CLMN: variants seen among roughly 807,000 people sequenced by gnomAD.
The protein encoded by CLMN is calmin (calponin-like, transmembrane).
Under a neutral mutation model 92.7 loss-of-function variants are expected in CLMN, and 57 were observed. The ratio of observed to expected loss-of-function variants is 0.61; its 90% CI spans 0.50 to 0.77. CLMN has a LOEUF of 0.77. Ranked by LOEUF, CLMN falls within the 30% of genes least tolerant of loss-of-function variation. The pLI is 0.00. For synonymous variants in CLMN, 466 were observed against 470.6 expected, an observed-to-expected ratio of 0.99 and a Z score of 0.13; for missense variants, 1,158 against 1,237.5, an observed-to-expected ratio of 0.94 and a Z score of 0.96.
chr14:95,249,383 G>A (rs911114245), intron 1 of CLMN, among the ~76,000 whole-genome samples: 2 of 152,132 alleles, frequency 1.3e-5, no homozygotes, highest in African/African-American at 2.4e-5. Context: ...GCCCGATCCT[G>A]GACTTTGCAC....
intron 1 of CLMN, among the ~76,000 whole-genome samples, chr14:95,238,620 C>G (rs1463956932): frequency 6.6e-6 from 1 of 152,194 alleles, no homozygotes; most frequent in Non-Finnish European, 1.5e-5. Context: ...GGCCCTCCCC[C>G]ACCCAAATTC....
chr14:95,293,010 T>C (rs1900637161), intron 1 of CLMN, among the ~76,000 whole-genome samples: 1 of 152,170 alleles, frequency 6.6e-6, no homozygotes, highest in Non-Finnish European at 1.5e-5. Flanking sequence ...TCCATGGCCA[T>C]GAGAACCACT....
rs1247963103 is a variant in CLMN, at chr14:95,203,522, A to C, written c.1827T>G (p.Ser609Arg). Residue 609 changes from serine to arginine, a missense_variant, in exon 9 of 13, where the codon AGT (serine) becomes AGG (arginine). Ser to Arg is a moderately radical substitution (Grantham distance 110, BLOSUM62 -1). Coordinates refer to ENST00000298912, the MANE Select transcript of CLMN (RefSeq NM_024734.4). ...CCTTCTTTTTGTGAGCAGATTTAAT[A>C]CTCCTTTTACCTAGTTTTTCAGCAT... is the stretch of plus-strand genomic sequence containing the variant. The part of the protein sequence containing the change: ...ENHAEKLGKR[S>R]IKSAHKKKDS... The C allele has an allele frequency of 6.2e-7, 1 of 1,613,314 alleles. No individual in the cohort carries two copies. Among genetic ancestry groups the C allele is most frequent in the Non-Finnish European group, 8.5e-7 (1 of 1,179,856 alleles).
At chr14:95,310,581 G>A (rs1011762797) in intron 1 of CLMN, among the ~76,000 whole-genome samples, 2 of 152,204 alleles carry the variant, frequency 1.3e-5, no homozygotes, top group Non-Finnish European at 1.5e-5. Context: ...AGCCTACAAC[G>A]CTTCTAAAGA....
intron 1 of CLMN, among the ~76,000 whole-genome samples, chr14:95,239,804 C>T (rs999383700): frequency 3.3e-5 from 5 of 152,222 alleles, no homozygotes; most frequent in African/African-American, 1.2e-4. Context: ...TGAATCGCAA[C>T]GTTCTTACAG....
At chr14:95,292,437 C>CCCACCCCCACCCCCACCCCCACCT (rs1900609702) in intron 1 of CLMN, among the ~76,000 whole-genome samples, 1 of 125,686 alleles carries the variant, frequency 8.0e-6, no homozygotes, top group Non-Finnish European at 1.7e-5. Context: ...GTCCCCCACC[C>CCCACCCCCACCCCCACCCCCACCT]CCACCCCCAC....
Position 95,259,950 on chromosome 14 carries a change from T to C in CLMN, c.83-29817A>G, listed in dbSNP as rs1439777487. ...ACGCTGTTCCTGCTGTCTGGCACTC[T>C]CTCCCTGCACTTCTCCACCTGCTCG... On this transcript the variant is annotated intron_variant, in intron 1 of 12. Coordinates refer to ENST00000298912, the MANE Select transcript of CLMN (RefSeq NM_024734.4). The surrounding 1 kb of genome is among the most constrained non-coding windows in gnomAD (Gnocchi z 4.3). Among the ~76,000 whole-genome samples, 1 of 152,130 alleles carries C rather than the reference T, an allele frequency of 6.6e-6. No individual in the cohort carries two copies. Among genetic ancestry groups the C allele is most frequent in the African/African-American group, 2.4e-5 (1 of 41,424 alleles).
At chr14:95,272,273 G>A (rs919972309) in intron 1 of CLMN, among the ~76,000 whole-genome samples, 3 of 152,162 alleles carry the variant, frequency 2.0e-5, no homozygotes, top group Non-Finnish European at 4.4e-5. Context: ...TGTGGGCTGA[G>A]GAGCTGGAAG....
intron 4 of CLMN, among the ~76,000 whole-genome samples, chr14:95,218,148 C>A (rs1393215966): frequency 1.3e-5 from 2 of 152,168 alleles, no homozygotes; most frequent in Admixed American, 1.3e-4. Flanking sequence ...TGGAAATATT[C>A]CGTCTCCCTC....
intron 1 of CLMN, among the ~76,000 whole-genome samples, chr14:95,232,308 T>C (rs903083385): frequency 1.2e-4 from 18 of 152,364 alleles, no homozygotes; most frequent in African/African-American, 3.8e-4. Context: ...TTTCAACATA[T>C]TGAAAGACCA....
At chr14:95,243,778 C>T (rs1460194966) in intron 1 of CLMN, among the ~76,000 whole-genome samples, 2 of 148,048 alleles carry the variant, frequency 1.4e-5, no homozygotes, top group East Asian at 2.0e-4. Flanking sequence ...TTGGAGCACT[C>T]GACAATCCAG....
intron 5 of CLMN, among the ~76,000 whole-genome samples, chr14:95,214,445 G>C (rs1440067645): frequency 6.7e-6 from 1 of 149,846 alleles, no homozygotes; most frequent in Non-Finnish European, 1.5e-5. Context: ...GAACTCTCAG[G>C]TTCAAGTAAT....
At chr14:95,245,224 AT>A (rs1487342338) in intron 1 of CLMN, among the ~76,000 whole-genome samples, 673 of 28,240 alleles carry the variant, frequency 0.024, 38 homozygotes, top group African/African-American at 0.12. Flanking sequence ...ATATATATAT[AT>A]TATATATATA....
Position 95,203,984 on chromosome 14 carries a change from T to C in CLMN, c.1365A>G (p.Glu455=), listed in dbSNP as rs1192996233. The C allele has an allele frequency of 6.2e-7, 1 of 1,614,196 alleles. No homozygotes were observed. The highest frequency in any genetic ancestry group is 1.7e-5 in the Admixed American group (1 of 60,024). ...AGACATGTCCATCCTGCCTCAATGA[T>C]TCCTTTGCCACTCTTGGGCTCCCTT... The part of the protein sequence containing the change: ...CFEGSPRVAK[E]SLRQDGHVLA... Residue 455 remains glutamate (E), a synonymous_variant, in exon 9 of 13, where the codon GAA becomes GAG. Transcript: ENST00000298912.
intron 3 of CLMN, chr14:95,222,306 GAA>G (rs1156899070): frequency 4.2e-6 from 1 of 239,704 alleles, no homozygotes; most frequent in East Asian, 1.2e-4. Context: ...TCGAAAGAGA[GAA>G]AGAGAGAGAA....
chr14:95,276,272 A>G (rs1047507711), intron 1 of CLMN, among the ~76,000 whole-genome samples: 5 of 152,226 alleles, frequency 3.3e-5, no homozygotes, highest in African/African-American at 1.2e-4. Context: ...TCCTAAGACC[A>G]TAGGGGATGA....
chr14:95,212,384 C>G (rs778381712), intron 6 of CLMN, among the ~76,000 whole-genome samples: 13 of 152,180 alleles, frequency 8.5e-5, no homozygotes, highest in Non-Finnish European at 1.8e-4. Context: ...ACTGGTCTGG[C>G]ATTTGTGCCC....
At chr14:95,206,592 T>C (rs534964133) in intron 8 of CLMN, among the ~76,000 whole-genome samples, 1 of 152,368 alleles carries the variant, frequency 6.6e-6, no homozygotes, top group African/African-American at 2.4e-5. Context: ...AGCAGAATTG[T>C]TAAGAACAGT....
Position 95,319,894 on chromosome 14 carries a change from C to A in CLMN, c.-102G>T. The A allele has an allele frequency of 2.0e-6, 1 of 502,924 alleles. No individual in the cohort carries two copies. The highest frequency in any genetic ancestry group is 2.4e-6 in the Non-Finnish European group (1 of 410,854). 31.2% of individuals were successfully genotyped at this position (502,924 alleles called of 1,614,324 possible). A position where few individuals can be genotyped will look rare whatever the true frequency, so the allele number is the denominator to read the frequency against. On this transcript the variant is annotated 5_prime_UTR_variant, in exon 1 of 13. Coordinates refer to ENST00000298912, the MANE Select transcript of CLMN (RefSeq NM_024734.4). ...CGGCACGCACCCGGCGAGGGCGCCG[C>A]GGAGCTGGAGTCGCGGCGGGCGCGG...
Sources: allele counts gnomAD v4.1 joint callset (sites outside exome capture counted in the v4.1 genomes callset), GRCh38; gene constraint gnomAD v4.1.1; non-coding constraint Gnocchi (gnomAD v3.1); transcripts MANE v1.5; gene names NCBI Gene and HGNC (gene_info 2026-07-23, HGNC 2026-07-21).